Variants in ADSS1 observed in about 807,000 individuals in gnomAD.
ADSS1 encodes the protein adenylosuccinate synthetase isozyme 1.
A neutral mutation model predicts 59.1 loss-of-function variants in ADSS1; 57 were observed. The observed-to-expected ratio is 0.97, with a 90% CI of 0.78 to 1.20. The LOEUF is 1.20. ADSS1 is among the 50% of genes most tolerant of loss of function. The pLI, the probability that ADSS1 is intolerant of heterozygous loss-of-function variation, is 0.00. For synonymous variants in ADSS1, 247 were observed against 249.4 expected, an observed-to-expected ratio of 0.99 and a Z score of 0.09; for missense variants, 603 against 610.3, an observed-to-expected ratio of 0.99 and a Z score of 0.13.
chr14:104,743,889 A>G (rs1891463890), intron 10 of ADSS1, among the ~76,000 whole-genome samples: 1 of 152,258 alleles, frequency 6.6e-6, no homozygotes. Context: ...TTCACGGCGC[A>G]GCCTCATCAC....
At chr14:104,725,303 G>A (rs1485163736) in intron 1 of ADSS1, among the ~76,000 whole-genome samples, 3 of 152,354 alleles carry the variant, frequency 2.0e-5, no homozygotes, top group Non-Finnish European at 4.4e-5. Context: ...CAAGTCTGCT[G>A]CCCATGGGCT....
intron 1 of ADSS1, among the ~76,000 whole-genome samples, chr14:104,733,068 G>A (rs969351463): frequency 6.6e-6 from 1 of 152,152 alleles, no homozygotes; most frequent in Non-Finnish European, 1.5e-5. Context: ...GGCTGCAGAA[G>A]TACCCTGACC....
At chr14:104,741,390 C>A in intron 8 of ADSS1, 147 bp downstream of exon 8, 1 of 1,110,252 alleles carries the variant, frequency 9.0e-7, no homozygotes, top group African/African-American at 1.6e-5. Flanking sequence ...GGAAATGATC[C>A]TCGTGTCCTT....
chr14:104,734,959 T>C (rs887836970), intron 1 of ADSS1, 61 bp from the exon 2 acceptor site: 5 of 1,473,344 alleles, frequency 3.4e-6, no homozygotes, highest in East Asian at 4.6e-5. Flanking sequence ...TGTGGGTCAG[T>C]CCATGTCCGG....
intron 1 of ADSS1, among the ~76,000 whole-genome samples, chr14:104,732,716 C>G (rs1005840963): frequency 2.6e-5 from 4 of 152,240 alleles, no homozygotes; most frequent in African/African-American, 9.6e-5. Flanking sequence ...GACGCCTGCC[C>G]CCCCGCCCAG....
In ADSS1 at chr14:104,746,381, C is replaced by T; in HGVS notation, c.1317C>T (p.Val439=). The part of the protein sequence containing the change: ...YIRFVENHVG[V]AVKWVGVGKS... ...GCTTTGTGGAGAATCACGTGGGAGT[C>T]GCAGGTGGGTGCCCTGCATCCCCAG... Residue 439 remains valine, a synonymous_variant, in exon 12 of 13, where the codon GTC becomes GTT. Transcript: ENST00000330877. 1.2e-6 allele frequency: 2 copies of T among 1,610,806 alleles called. No individual in the cohort carries two copies. The highest frequency in any genetic ancestry group is 2.2e-5 in the East Asian group (1 of 44,810).
intron 12 of ADSS1, 105 bp downstream of exon 12, chr14:104,746,490 C>T: frequency 2.1e-6 from 3 of 1,422,914 alleles, no homozygotes; most frequent in Non-Finnish European, 2.8e-6. Context: ...CAAGTGTGGT[C>T]ACCAAGCGAA....
At chr14:104,739,978 C>T (rs1021274682) in intron 5 of ADSS1, among the ~76,000 whole-genome samples, 162 bp downstream of exon 5, 25 of 152,150 alleles carry the variant, frequency 1.6e-4, no homozygotes, top group South Asian at 2.1e-4. Context: ...CATCACCCAA[C>T]CCCCGGACGA....
chr14:104,731,809 C>T (rs1464326904), intron 1 of ADSS1, among the ~76,000 whole-genome samples: 1 of 152,170 alleles, frequency 6.6e-6, no homozygotes, highest in African/African-American at 2.4e-5. Context: ...GGGCTCGGCA[C>T]TGGGGGGATG....
chr14:104,739,259 C>G, intron 3 of ADSS1, 69 bp from the exon 4 acceptor site: 2 of 1,532,790 alleles, frequency 1.3e-6, no homozygotes, highest in Non-Finnish European at 1.8e-6. Flanking sequence ...TAGCCCAGCT[C>G]TGGCCCCTCA....
chr14:104,743,278 A>AG, intron 10 of ADSS1, 87 bp downstream of exon 10: 4 of 1,550,050 alleles, frequency 2.6e-6, no homozygotes, highest in Non-Finnish European at 3.5e-6. Context: ...GCAGGGGCTG[A>AG]GGGCCACCAA....
intron 1 of ADSS1, among the ~76,000 whole-genome samples, chr14:104,727,782 C>A (rs1325378999): frequency 1.3e-5 from 2 of 152,222 alleles, no homozygotes; most frequent in African/African-American, 4.8e-5. Context: ...CCTTCCATCT[C>A]CAAGATACTT....
intron 10 of ADSS1, 22 bp from the exon 11 acceptor site, chr14:104,744,790 C>T (rs778777594): frequency 5.0e-6 from 8 of 1,612,988 alleles, no homozygotes; most frequent in Admixed American, 3.3e-5. Flanking sequence ...TTGGGTTTGC[C>T]CGGCCCCTTG....
At chr14:104,745,786 G>A (rs1057055889) in intron 11 of ADSS1, 1 of 154,532 alleles carries the variant, frequency 6.5e-6, no homozygotes, top group Non-Finnish European at 1.4e-5. Flanking sequence ...TCTTCCATCT[G>A]TAAGGGTGGT....
Position 104,739,766 on chromosome 14 carries a change from GGCTGTCGACGGACTTCAGGAAGT to G in ADSS1, c.429_451del (p.Val144AlafsTer39). The G allele has an allele frequency of 6.2e-7, 1 of 1,613,936 alleles. No homozygotes were observed. Among genetic ancestry groups the G allele is most frequent in the Non-Finnish European group, 8.5e-7 (1 of 1,180,002 alleles). Reference sequence around the variant, plus strand: ...GCCCGACAGTGTTTGATTTTCACCAGGCTGTCGACGGACTTCAGGAAGTGCAGCGCCAGGCACAAGAGGGGAAG... The same window carrying G: ...GCCCGACAGTGTTTGATTTTCACCAGGCAGCGCCAGGCACAAGAGGGGAAG... On this transcript the variant is annotated frameshift_variant, in exon 5 of 13. Coordinates refer to ENST00000330877, the MANE Select transcript of ADSS1 (RefSeq NM_152328.5). LOFTEE classifies it high-confidence loss of function.
chr14:104,747,074 C>T lies in ADSS1; in HGVS notation c.*71C>T, dbSNP rs1038004481. On this transcript the variant is annotated 3_prime_UTR_variant, in exon 13 of 13. Coordinates refer to ENST00000330877, the MANE Select transcript of ADSS1 (RefSeq NM_152328.5). ...TGTGTAAACAGCAGCAGTCACGTTC[C>T]TCGGCCGCCACAACCAACACCAAAG... The T allele has an allele frequency of 1.4e-6, 2 of 1,403,798 alleles. No homozygotes were observed. Among genetic ancestry groups the T allele is most frequent in the African/African-American group, 1.4e-5 (1 of 70,636 alleles). The allele number at this position is 1,403,798 out of a possible 1,614,324, so 87.0% of individuals were successfully genotyped here.
At chr14:104,735,906 T>G (rs563620505) in intron 2 of ADSS1, among the ~76,000 whole-genome samples, 110 of 152,330 alleles carry the variant, frequency 7.2e-4, no homozygotes, top group Admixed American at 7.2e-3. Flanking sequence ...AGGCCCCTTC[T>G]TGTACTTTCC....
At chr14:104,731,412 C>T (rs557183013) in intron 1 of ADSS1, among the ~76,000 whole-genome samples, 5 of 152,344 alleles carry the variant, frequency 3.3e-5, no homozygotes, top group African/African-American at 1.2e-4. Context: ...TGTGGCTCAG[C>T]CCATTGGCCA....
At chr14:104,728,365 C>G (rs1374616129) in intron 1 of ADSS1, among the ~76,000 whole-genome samples, 1 of 152,158 alleles carries the variant, frequency 6.6e-6, no homozygotes, top group Non-Finnish European at 1.5e-5. Flanking sequence ...CAGTTACACA[C>G]AGCCCTGCCT....
Sources: allele counts gnomAD v4.1 joint callset (sites outside exome capture counted in the v4.1 genomes callset), GRCh38; gene constraint gnomAD v4.1.1; transcripts MANE v1.5; gene names NCBI Gene and HGNC (gene_info 2026-07-23, HGNC 2026-07-21).